Variants in SGCZ observed in about 807,000 individuals in gnomAD.
SGCZ encodes sarcoglycan zeta, also known as zeta-sarcoglycan.
In SGCZ, 40 loss-of-function variants were observed where a neutral mutation model predicts 41.3. The observed-to-expected ratio is 0.97, with a 90% CI of 0.75 to 1.26. SGCZ has a LOEUF of 1.26. Among genes scored for constraint, SGCZ ranks in the 50% most tolerant of loss-of-function variants. SGCZ has a pLI of 0.00. For missense variants in SGCZ, 552 were observed against 369.8 expected (o/e 1.49, Z -4.04); for synonymous variants, 206 against 137.5 (o/e 1.50, Z -3.49).
chr8:14,269,508 C>T (rs910331350), intron 3 of SGCZ, among the ~76,000 whole-genome samples: 13 of 152,108 alleles, frequency 8.5e-5, no homozygotes, highest in African/African-American at 3.1e-4. Flanking sequence ...TACTGAGCTG[C>T]TGTATATTTG....
chr8:14,332,262 C>T (rs1011621682), intron 2 of SGCZ, among the ~76,000 whole-genome samples: 2 of 151,830 alleles, frequency 1.3e-5, no homozygotes, highest in East Asian at 2.0e-4. Context: ...GGTGAAACCC[C>T]GTCTCTACTA....
intron 4 of SGCZ, among the ~76,000 whole-genome samples, chr8:14,195,630 G>C (rs1805243118): frequency 6.6e-6 from 1 of 152,080 alleles, no homozygotes; most frequent in Non-Finnish European, 1.5e-5. Flanking sequence ...ATCAGTGATG[G>C]AGTCAAAATT....
At chr8:15,089,080 T>A (rs192788878) in intron 1 of SGCZ, among the ~76,000 whole-genome samples, 1 of 152,300 alleles carries the variant, frequency 6.6e-6, no homozygotes, top group East Asian at 1.9e-4. Context: ...GATCTCCAAC[T>A]TACTGAAAGT....
At chr8:15,233,859 TA>T (rs1408004619) in intron 1 of SGCZ, among the ~76,000 whole-genome samples, 1 of 152,084 alleles carries the variant, frequency 6.6e-6, no homozygotes, top group Non-Finnish European at 1.5e-5. Flanking sequence ...GACAGATAAA[TA>T]AATAAAATCT....
chr8:14,202,224 T>C (rs1805477203), intron 4 of SGCZ, among the ~76,000 whole-genome samples: 1 of 152,154 alleles, frequency 6.6e-6, no homozygotes, highest in Non-Finnish European at 1.5e-5. Context: ...TTGCTGACTT[T>C]GAAGATGAAA....
chr8:14,814,289 A>G (rs1801828968), intron 1 of SGCZ, among the ~76,000 whole-genome samples: 1 of 152,138 alleles, frequency 6.6e-6, no homozygotes, highest in African/African-American at 2.4e-5. Context: ...GGTCAGCCTA[A>G]AAGATGGGGT....
chr8:14,934,728 T>C (rs888123218), intron 1 of SGCZ, among the ~76,000 whole-genome samples: 4 of 151,608 alleles, frequency 2.6e-5, no homozygotes, highest in African/African-American at 9.7e-5. Flanking sequence ...TATAAATTTT[T>C]AAATTCAAGA....
At chr8:14,333,779 G>T (rs1472460069) in intron 2 of SGCZ, among the ~76,000 whole-genome samples, 2 of 151,874 alleles carry the variant, frequency 1.3e-5, no homozygotes, top group Non-Finnish European at 2.9e-5. Flanking sequence ...GGAAATACAG[G>T]GATGAATTAT....
intron 3 of SGCZ, among the ~76,000 whole-genome samples, chr8:14,272,061 T>C (rs143992124): frequency 7.2e-5 from 11 of 152,326 alleles, no homozygotes; most frequent in African/African-American, 2.2e-4. Flanking sequence ...TGGAGTTCAG[T>C]GGCACAATCT....
At chr8:14,921,247 G>A (rs185311410) in intron 1 of SGCZ, among the ~76,000 whole-genome samples, 2 of 152,036 alleles carry the variant, frequency 1.3e-5, no homozygotes, top group Non-Finnish European at 2.9e-5. Context: ...CCACATCAAT[G>A]CCTCTCCTTC....
chr8:14,628,100 A>G (rs983241720), intron 1 of SGCZ, among the ~76,000 whole-genome samples: 1 of 152,066 alleles, frequency 6.6e-6, no homozygotes, highest in Non-Finnish European at 1.5e-5. Flanking sequence ...ATGCTAGAAC[A>G]TGAAATTAAG....
chr8:14,583,046 A>G (rs1329321131), intron 1 of SGCZ, among the ~76,000 whole-genome samples: 1 of 150,538 alleles, frequency 6.6e-6, no homozygotes, highest in Non-Finnish European at 1.5e-5. Flanking sequence ...GCTGGGTCAA[A>G]TGGTATTTCT....
chr8:14,272,846 T>C (rs903269294), intron 3 of SGCZ, among the ~76,000 whole-genome samples: 1 of 152,176 alleles, frequency 6.6e-6, no homozygotes, highest in Non-Finnish European at 1.5e-5. Flanking sequence ...TGTTATATCT[T>C]GAACTGTAAC....
intron 1 of SGCZ, among the ~76,000 whole-genome samples, chr8:14,625,894 T>A (rs1194019071): frequency 6.6e-6 from 1 of 152,178 alleles, no homozygotes; most frequent in Non-Finnish European, 1.5e-5. Flanking sequence ...AAATGAGAAT[T>A]CATGATAATC....
intron 1 of SGCZ, among the ~76,000 whole-genome samples, chr8:15,235,446 A>G (rs141443905): frequency 2.3e-3 from 351 of 152,294 alleles, no homozygotes; most frequent in African/African-American, 8.1e-3. Flanking sequence ...AGATCCTTGT[A>G]TCTAACATGC....
intron 1 of SGCZ, among the ~76,000 whole-genome samples, chr8:14,943,550 G>C (rs1032369024): frequency 2.0e-5 from 3 of 152,122 alleles, no homozygotes; most frequent in African/African-American, 7.2e-5. Context: ...AACAGAAAAA[G>C]CAATGCATTG....
At chr8:14,207,290 T>C (rs1465855818) in intron 4 of SGCZ, among the ~76,000 whole-genome samples, 1 of 152,188 alleles carries the variant, frequency 6.6e-6, no homozygotes, top group Non-Finnish European at 1.5e-5. Context: ...GCTGAGAATG[T>C]CTATTAACTG....
chr8:14,528,645 A>G (rs1473326128), intron 2 of SGCZ, among the ~76,000 whole-genome samples: 2 of 151,942 alleles, frequency 1.3e-5, no homozygotes, highest in Non-Finnish European at 2.9e-5. Context: ...AAACTACAGA[A>G]TCAACTTCCA....
chr8:14,758,426 C>T lies in SGCZ; in HGVS notation c.40-203500G>A, dbSNP rs566343180. On this transcript the variant is annotated intron_variant, in intron 1 of 7. Coordinates refer to ENST00000382080, the MANE Select transcript of SGCZ (RefSeq NM_139167.4). ...TCAATTTATAATTTCATCGTTCTTC[C>T]CTCTCCTCCAATAATTTCCTGGCAT... is the stretch of plus-strand genomic sequence containing the variant. Among the ~76,000 whole-genome samples, 9 of 152,136 alleles carry T rather than the reference C, an allele frequency of 5.9e-5. No individual in the cohort carries two copies. The East Asian group carries it at 1.7e-3, about 29-fold the overall frequency.
Sources: gnomAD v4.1 joint callset for allele counts (sites outside exome capture counted in the v4.1 genomes callset) on GRCh38, gnomAD v4.1.1 for gene constraint, MANE v1.5 for transcripts, NCBI Gene and HGNC (gene_info 2026-07-23, HGNC 2026-07-21) for gene names.